Variants in PKIB observed in about 807,000 individuals in gnomAD.
PKIB encodes cAMP-dependent protein kinase inhibitor beta.
A neutral mutation model predicts 4.5 loss-of-function variants in PKIB; 2 were observed. The observed-to-expected ratio is 0.44, with a 90% CI of 0.18 to 1.39. The LOEUF is 1.39. PKIB is among the 40% of genes most tolerant of loss of function. The probability of loss-of-function intolerance (pLI) is 0.27; values close to 1 mark genes in which losing one functional copy is unlikely to be tolerated. For missense variants in PKIB, 94 were observed against 92.6 expected (o/e 1.02, Z -0.06); for synonymous variants, 38 against 36.0 (o/e 1.06, Z -0.20).
chr6:122,484,134 C>T (rs917507968), intron 2 of PKIB: 1 of 146,842 alleles, frequency 6.8e-6, no homozygotes, highest in African/African-American at 2.5e-5. Flanking sequence ...TTGTGCCTTC[C>T]ATATTTTCCG....
chr6:122,705,043 G>T (rs1005954275), intron 3 of PKIB, among the ~76,000 whole-genome samples: 1 of 152,124 alleles, frequency 6.6e-6, no homozygotes, highest in Non-Finnish European at 1.5e-5. Flanking sequence ...GAAACAGAGG[G>T]AGACCTTGTC....
At chr6:122,617,915 A>C (rs759658025) in intron 1 of PKIB, among the ~76,000 whole-genome samples, 2 of 152,106 alleles carry the variant, frequency 1.3e-5, no homozygotes, top group Non-Finnish European at 2.9e-5. Context: ...TTTTACATTA[A>C]TGTAACAATG....
chr6:122,542,820 A>T (rs1777649276), intron 2 of PKIB, among the ~76,000 whole-genome samples: 2 of 152,114 alleles, frequency 1.3e-5, no homozygotes, highest in Non-Finnish European at 2.9e-5. Context: ...CCAGAGGTGG[A>T]GCCTGCAGAG....
At chr6:122,660,580 G>A (rs1776947036) in intron 2 of PKIB, among the ~76,000 whole-genome samples, 1 of 152,060 alleles carries the variant, frequency 6.6e-6, no homozygotes, top group African/African-American at 2.4e-5. Context: ...TACAGGGCAT[G>A]GATATCTTGG....
At chr6:122,599,297 A>G (rs1385932139) in intron 3 of PKIB, among the ~76,000 whole-genome samples, 2 of 152,118 alleles carry the variant, frequency 1.3e-5, no homozygotes, top group Admixed American at 6.5e-5. Context: ...GGTTCATCAG[A>G]ATTTACAAAT....
chr6:122,675,805 T>TATGTTTTTTTCCCTGAAAAAAAATC (rs890251235), intron 3 of PKIB, among the ~76,000 whole-genome samples: 25 of 152,120 alleles, frequency 1.6e-4, no homozygotes, highest in African/African-American at 5.6e-4. Context: ...GAAAAAAAAT[T>TATGTTTTTTTCCCTGAAAAAAAATC]ATGTTTTTTT....
chr6:122,471,977 G>T (rs866560810), exon 1 of PKIB: 7 of 965,072 alleles, frequency 7.3e-6, no homozygotes, highest in Non-Finnish European at 8.8e-6. Context: ...ATTTCTCAAG[G>T]ACTGCTGGCT....
At chr6:122,599,234 A>G (rs1037657625) in intron 3 of PKIB, among the ~76,000 whole-genome samples, 2 of 152,172 alleles carry the variant, frequency 1.3e-5, no homozygotes, top group African/African-American at 4.8e-5. Context: ...ATGGGTCAGG[A>G]AGGGGATGTT....
At chr6:122,701,405 C>T (rs532916128) in intron 3 of PKIB, 1 of 1,520,458 alleles carries the variant, frequency 6.6e-7, no homozygotes, top group Non-Finnish European at 8.9e-7. Flanking sequence ...GAAGTACTGA[C>T]TGGTTAAGGC....
At chr6:122,670,397 G>T (rs1777409430) in intron 2 of PKIB, among the ~76,000 whole-genome samples, 2 of 152,026 alleles carry the variant, frequency 1.3e-5, no homozygotes, top group Admixed American at 6.6e-5. Context: ...GGCCCTTATT[G>T]CCCATTGCCA....
At chr6:122,486,868 A>G (rs1048788124) in intron 2 of PKIB, among the ~76,000 whole-genome samples, 2 of 152,188 alleles carry the variant, frequency 1.3e-5, no homozygotes, top group Non-Finnish European at 2.9e-5. Flanking sequence ...TTATAATACT[A>G]TGAAGAATTC....
intron 3 of PKIB, among the ~76,000 whole-genome samples, chr6:122,698,356 A>C (rs1778655695): frequency 6.6e-6 from 1 of 151,808 alleles, no homozygotes; most frequent in Non-Finnish European, 1.5e-5. Context: ...GCCAAGCTTG[A>C]CTCCATCCTG....
At chr6:122,551,350 A>G (rs1772668633) in intron 2 of PKIB, among the ~76,000 whole-genome samples, 1 of 151,574 alleles carries the variant, frequency 6.6e-6, no homozygotes, top group South Asian at 2.1e-4. Flanking sequence ...GATTTCTTTG[A>G]CATTATCTTT....
intron 2 of PKIB, among the ~76,000 whole-genome samples, chr6:122,510,736 C>T (rs186642054): frequency 6.6e-6 from 1 of 151,972 alleles, no homozygotes; most frequent in Non-Finnish European, 1.5e-5. Context: ...ATGAAGTGTC[C>T]CCAATTTTTC....
At chr6:122,584,750 C>G (rs1193434552) in intron 2 of PKIB, among the ~76,000 whole-genome samples, 1 of 152,022 alleles carries the variant, frequency 6.6e-6, no homozygotes, top group Non-Finnish European at 1.5e-5. Flanking sequence ...GTTTAATTTA[C>G]TGTTATCTCA....
chr6:122,649,407 G>A (rs1005650694), intron 2 of PKIB, among the ~76,000 whole-genome samples: 3 of 152,152 alleles, frequency 2.0e-5, no homozygotes, highest in Non-Finnish European at 4.4e-5. Flanking sequence ...TAGAGCATTG[G>A]CATTGGCATA....
intron 2 of PKIB, among the ~76,000 whole-genome samples, chr6:122,510,717 A>T (rs745321093): frequency 3.9e-5 from 6 of 152,130 alleles, no homozygotes; most frequent in Non-Finnish European, 8.8e-5. Flanking sequence ...TTAGTAGTTT[A>T]ACTATTTTAT....
intron 2 of PKIB, among the ~76,000 whole-genome samples, chr6:122,525,792 G>A (rs1374266772): frequency 6.6e-6 from 1 of 152,138 alleles, no homozygotes. Flanking sequence ...GTTGCTGAAG[G>A]TTGAAGTGGC....
chr6:122,698,416 A>T (rs964420092), intron 3 of PKIB, among the ~76,000 whole-genome samples: 2 of 152,124 alleles, frequency 1.3e-5, no homozygotes, highest in Non-Finnish European at 2.9e-5. Flanking sequence ...TGCTGCTCCA[A>T]TGCATTACCA....
Sources: gnomAD v4.1 joint callset for allele counts (sites outside exome capture counted in the v4.1 genomes callset) on GRCh38, gnomAD v4.1.1 for gene constraint, MANE v1.5 for transcripts, NCBI Gene and HGNC (gene_info 2026-07-23, HGNC 2026-07-21) for gene names.